The following MEI4 variants were observed in gnomAD, a reference collection of about 807,000 sequenced individuals.
MEI4 encodes the protein meiosis-specific protein MEI4.
MEI4 carries 27 observed loss-of-function variants against 31.4 expected under a neutral mutation model. That is an observed-to-expected ratio of 0.86 (90% confidence interval 0.63 to 1.19). The LOEUF is 1.19. Ranked by LOEUF, MEI4 falls within the 50% of genes most tolerant of loss-of-function variation. The pLI is 0.00. For missense variants in MEI4, 329 were observed against 398.9 expected, an observed-to-expected ratio of 0.82 and a Z score of 1.49; for synonymous variants, 122 against 145.4, an observed-to-expected ratio of 0.84 and a Z score of 1.16.
At chr6:77,854,070 T>G (rs909311563) in intron 4 of MEI4, among the ~76,000 whole-genome samples, 2 of 152,170 alleles carry the variant, frequency 1.3e-5, no homozygotes, top group African/African-American at 4.8e-5. Flanking sequence ...TTTTTAAAAA[T>G]AAGCCATATG....
chr6:77,799,337 GTTGT>G (rs1769179126), intron 3 of MEI4, among the ~76,000 whole-genome samples: 2 of 152,052 alleles, frequency 1.3e-5, no homozygotes, highest in South Asian at 2.1e-4. Context: ...TTTTGATGGG[GTTGT>G]TTGTTTTTTT....
Position 77,887,535 on chromosome 6 carries a change from G to A in MEI4, c.901-35554G>A, listed in dbSNP as rs371102925. Among the ~76,000 whole-genome samples, 252 of 152,128 alleles carry A rather than the reference G, an allele frequency of 1.7e-3. 2 individuals carry two copies. The highest frequency in any genetic ancestry group is 5.7e-3 in the African/African-American group (237 of 41,508). ...TGGTCTCGAACTCCTGACCTCAGAT[G>A]ATCCACCCCCCTCAGCCTCCCAAAG... On this transcript the variant is annotated intron_variant, in intron 4 of 4. Coordinates refer to ENST00000684080, the MANE Select transcript of MEI4 (RefSeq NM_001322247.2).
chr6:77,746,199 G>A (rs1767597381), intron 2 of MEI4, among the ~76,000 whole-genome samples: 1 of 152,110 alleles, frequency 6.6e-6, no homozygotes, highest in African/African-American at 2.4e-5. Context: ...TTTTTGAAAG[G>A]ATCAACAAAA....
intron 4 of MEI4, among the ~76,000 whole-genome samples, chr6:77,892,377 G>T (rs1156537122): frequency 6.6e-6 from 1 of 152,132 alleles, no homozygotes; most frequent in African/African-American, 2.4e-5. Flanking sequence ...GCTGTAGGCA[G>T]GGTGATCCTA....
intron 3 of MEI4, among the ~76,000 whole-genome samples, chr6:77,815,983 C>A (rs1363077228): frequency 6.6e-6 from 1 of 151,670 alleles, no homozygotes; most frequent in Non-Finnish European, 1.5e-5. Flanking sequence ...CCAATTTTTT[C>A]TCAAAAAACG....
intron 4 of MEI4, among the ~76,000 whole-genome samples, chr6:77,844,122 G>A (rs1770424551): frequency 6.6e-6 from 1 of 152,006 alleles, no homozygotes. Flanking sequence ...CACTTTTCTG[G>A]AGAGTGTCTC....
chr6:77,706,908 T>A (rs2127658513), intron 2 of MEI4, among the ~76,000 whole-genome samples: 1 of 152,238 alleles, frequency 6.6e-6, no homozygotes, highest in African/African-American at 2.4e-5. Context: ...ACGAACCAAA[T>A]AAACCACTTT....
At chr6:77,658,449 T>G (rs1768439643) in intron 1 of MEI4, among the ~76,000 whole-genome samples, 1 of 152,148 alleles carries the variant, frequency 6.6e-6, no homozygotes, top group Admixed American at 6.5e-5. Flanking sequence ...TGGCTTGGGC[T>G]CAGAGGCCTG....
chr6:77,736,058 A>C lies in MEI4; in HGVS notation c.233-25072A>C, dbSNP rs944406228. 7.2e-5 allele frequency among the ~76,000 whole-genome samples: 11 copies of C among 152,160 alleles called. 1 individual carries two copies. The highest frequency in any genetic ancestry group is 2.4e-4 in the African/African-American group (10 of 41,470). On this transcript the variant is annotated intron_variant, in intron 2 of 4. Coordinates refer to ENST00000684080, the MANE Select transcript of MEI4 (RefSeq NM_001322247.2). ...TCAAACTGTCAGACAGGGACTTTTAAGTCTGCAGAGGTTACTGCTGTCTTT... is the reference window on the plus strand; with the variant it reads ...TCAAACTGTCAGACAGGGACTTTTACGTCTGCAGAGGTTACTGCTGTCTTT...
chr6:77,828,471 G>T (rs1419876330), intron 3 of MEI4, among the ~76,000 whole-genome samples: 7 of 152,014 alleles, frequency 4.6e-5, no homozygotes, highest in African/African-American at 7.2e-5. Flanking sequence ...ATGATCTGAC[G>T]TGGAACAGTT....
At chr6:77,675,898 T>C (rs1768835968) in intron 1 of MEI4, among the ~76,000 whole-genome samples, 1 of 152,224 alleles carries the variant, frequency 6.6e-6, no homozygotes, top group Admixed American at 6.5e-5. Context: ...GGTGTTTCAT[T>C]GCTATGGCTG....
chr6:77,892,691 G>C (rs1562028325), intron 4 of MEI4, among the ~76,000 whole-genome samples: 1 of 152,146 alleles, frequency 6.6e-6, no homozygotes, highest in East Asian at 1.9e-4. Flanking sequence ...GAGAATGCTT[G>C]AGAACTAGCC....
At chr6:77,906,117 A>T (rs183153453) in intron 4 of MEI4, among the ~76,000 whole-genome samples, 1 of 152,150 alleles carries the variant, frequency 6.6e-6, no homozygotes, top group East Asian at 1.9e-4. Context: ...GTATTTTCTT[A>T]AACTGTGCTG....
chr6:77,917,559 T>C (rs1393775890), intron 4 of MEI4, among the ~76,000 whole-genome samples: 2 of 131,002 alleles, frequency 1.5e-5, no homozygotes, highest in Non-Finnish European at 1.6e-5. Flanking sequence ...TTTGGCTGCA[T>C]AAGTGTCTTC....
chr6:77,784,632 A>G (rs1023482123), intron 3 of MEI4, among the ~76,000 whole-genome samples: 1 of 152,156 alleles, frequency 6.6e-6, no homozygotes, highest in African/African-American at 2.4e-5. Flanking sequence ...CAGAACAACA[A>G]TTCAATCACA....
At chr6:77,790,230 C>T (rs1768879513) in intron 3 of MEI4, among the ~76,000 whole-genome samples, 1 of 132,338 alleles carries the variant, frequency 7.6e-6, no homozygotes, top group South Asian at 2.4e-4. Flanking sequence ...GCAAGTGGAA[C>T]ATCACACACC....
In MEI4 at chr6:77,925,100, T is replaced by C. The variant is rs1417991731; in HGVS notation, c.*1754T>C. 1 of 151,860 alleles carries C rather than the reference T, an allele frequency of 6.6e-6. No individual in the cohort carries two copies. Among genetic ancestry groups the C allele is most frequent in the Non-Finnish European group, 1.5e-5 (1 of 67,894 alleles). 9.4% of individuals were successfully genotyped at this position (151,860 alleles called of 1,614,324 possible). ...CTTCTTTCATTGTGATTAAACAAGA[T>C]TGGTAAATACACAAGTATCAGCAAT... On this transcript the variant is annotated 3_prime_UTR_variant, in exon 5 of 5. Transcript: ENST00000684080.
chr6:77,765,587 C>T (rs562762335), intron 3 of MEI4, among the ~76,000 whole-genome samples: 2 of 131,180 alleles, frequency 1.5e-5, no homozygotes, highest in South Asian at 5.4e-4. Context: ...CCACAACAGT[C>T]CCTGGTGTGA....
intron 1 of MEI4, among the ~76,000 whole-genome samples, chr6:77,676,406 A>G (rs1768846498): frequency 6.6e-6 from 1 of 152,124 alleles, no homozygotes; most frequent in Non-Finnish European, 1.5e-5. Context: ...GCACGCCTGT[A>G]GTTCTAGCTA....
Sources: allele counts gnomAD v4.1 joint callset (sites outside exome capture counted in the v4.1 genomes callset), GRCh38; gene constraint gnomAD v4.1.1; transcripts MANE v1.5; gene names NCBI Gene and HGNC (gene_info 2026-07-23, HGNC 2026-07-21).